ANO4: variants seen among roughly 807,000 people sequenced by gnomAD.
The protein encoded by ANO4 is anoctamin 4.
A neutral mutation model predicts 141.9 loss-of-function variants in ANO4; 69 were observed. That is an observed-to-expected ratio of 0.49 (90% CI 0.40 to 0.59). The LOEUF (loss-of-function observed/expected upper bound fraction) is 0.59. Among genes scored for constraint, ANO4 ranks in the 20% least tolerant of loss-of-function variants. The pLI is 0.00. For synonymous variants in ANO4, 350 were observed against 394.3 expected, an observed-to-expected ratio of 0.89 and a Z score of 1.33; for missense variants, 894 against 1,162.2, an observed-to-expected ratio of 0.77 and a Z score of 3.36.
chr12:100,907,666 G>C (rs184592994), intron 2 of ANO4, among the ~76,000 whole-genome samples: 1 of 152,160 alleles, frequency 6.6e-6, no homozygotes, highest in African/African-American at 2.4e-5. Context: ...GTTATATGGC[G>C]TAAATCTTAA....
chr12:101,078,517 C>G (rs1014124180), intron 14 of ANO4, among the ~76,000 whole-genome samples: 1 of 152,152 alleles, frequency 6.6e-6, no homozygotes, highest in Non-Finnish European at 1.5e-5. Flanking sequence ...GAAGATAACT[C>G]CCAGATTTCT....
intron 24 of ANO4, among the ~76,000 whole-genome samples, chr12:101,113,369 G>T (rs980211703): frequency 2.6e-5 from 4 of 152,156 alleles, no homozygotes; most frequent in African/African-American, 9.7e-5. Flanking sequence ...TTAACAACCT[G>T]GTAGATTTAA....
chr12:100,834,424 G>A lies in ANO4; in HGVS notation c.-141+39397G>A, dbSNP rs551864360. ...ATTGCAGTGACCAGACCACCAAAACGTTCCCTACCATTTTTACCCTTCAAA... is the reference window on the plus strand; with the variant it reads ...ATTGCAGTGACCAGACCACCAAAACATTCCCTACCATTTTTACCCTTCAAA... On this transcript the variant is annotated intron_variant, in intron 1 of 27. Coordinates refer to ENST00000392977, the MANE Select transcript of ANO4 (RefSeq NM_001286615.2). 7.9e-5 allele frequency among the ~76,000 whole-genome samples: 12 copies of A among 152,124 alleles called. No individual in the cohort carries two copies. In the South Asian group the frequency reaches 1.9e-3, roughly 24 times the overall value.
At chr12:101,007,994 A>G (rs965090889) in intron 8 of ANO4, among the ~76,000 whole-genome samples, 1 of 152,232 alleles carries the variant, frequency 6.6e-6, no homozygotes, top group African/African-American at 2.4e-5. Flanking sequence ...TCTACCTTCA[A>G]GCTGGAACAT....
chr12:100,909,762 G>A (rs764459064), intron 2 of ANO4, among the ~76,000 whole-genome samples: 5 of 152,130 alleles, frequency 3.3e-5, no homozygotes, highest in African/African-American at 1.2e-4. Flanking sequence ...AAGCTTTATC[G>A]TTAGGTGTTT....
chr12:100,974,873 T>C lies in ANO4; in HGVS notation c.586T>C (p.Tyr196His). 6.2e-7 allele frequency: 1 copy of C among 1,614,134 alleles called. No homozygotes were observed. ...AAAAATCTATTACCTGCCCCGCCGT[T>C]ACAAGTTCATGAGCAGGTTAGTAGC... is the stretch of plus-strand genomic sequence containing the variant. ...RRKIYYLPRRYKFMSRIDKQI... is the reference protein window; with the variant it reads ...RRKIYYLPRRHKFMSRIDKQI... The change falls in exon 7 of 28, where the codon TAC becomes CAC. Residue 196 changes from tyrosine to histidine, a missense_variant. Transcript: ENST00000392977.
At chr12:100,802,747 A>G (rs1262875134) in intron 1 of ANO4, among the ~76,000 whole-genome samples, 1 of 152,190 alleles carries the variant, frequency 6.6e-6, no homozygotes, top group Non-Finnish European at 1.5e-5. Flanking sequence ...ACACATTAGC[A>G]AATACGAAGC....
At chr12:101,049,936 G>A (rs1014937351) in intron 14 of ANO4, among the ~76,000 whole-genome samples, 35 of 152,152 alleles carry the variant, frequency 2.3e-4, no homozygotes, top group Non-Finnish European at 7.3e-5. Flanking sequence ...GGGCCACCCA[G>A]ATTCTTATTC....
At chr12:100,903,705 T>C (rs2040703707) in intron 2 of ANO4, among the ~76,000 whole-genome samples, 1 of 152,220 alleles carries the variant, frequency 6.6e-6, no homozygotes, top group African/African-American at 2.4e-5. Flanking sequence ...GCTGGAACTC[T>C]TGGGCACAGC....
At chr12:100,818,189 T>C (rs1282396508) in intron 1 of ANO4, among the ~76,000 whole-genome samples, 1 of 151,938 alleles carries the variant, frequency 6.6e-6, no homozygotes, top group East Asian at 1.9e-4. Context: ...ATAGTTATAA[T>C]AATAAGTATG....
At chr12:100,846,685 G>T (rs1383909685) in intron 1 of ANO4, among the ~76,000 whole-genome samples, 3 of 152,114 alleles carry the variant, frequency 2.0e-5, no homozygotes, top group Non-Finnish European at 2.9e-5. Flanking sequence ...TAATTCAGGG[G>T]AGTGTTCCAG....
At chr12:101,005,318 C>T (rs1431661592) in intron 8 of ANO4, among the ~76,000 whole-genome samples, 2 of 152,198 alleles carry the variant, frequency 1.3e-5, no homozygotes, top group Non-Finnish European at 2.9e-5. Flanking sequence ...ATGATTTCCT[C>T]TTTATTCTGG....
chr12:100,884,342 T>A (rs2039718610), intron 1 of ANO4, among the ~76,000 whole-genome samples: 1 of 152,120 alleles, frequency 6.6e-6, no homozygotes. Flanking sequence ...ATTAAGGAAA[T>A]TCAGACAGGG....
intron 9 of ANO4, among the ~76,000 whole-genome samples, chr12:101,035,949 A>G (rs575514751): frequency 2.0e-5 from 3 of 152,248 alleles, no homozygotes; most frequent in Admixed American, 6.5e-5. Flanking sequence ...ATCCCCCAAC[A>G]CACAATTTAC....
At chr12:100,785,198 A>C (rs2033833150) in intron 3 of ANO4, among the ~76,000 whole-genome samples, 1 of 152,084 alleles carries the variant, frequency 6.6e-6, no homozygotes, top group Non-Finnish European at 1.5e-5. Flanking sequence ...AACATCCCCC[A>C]CAAGGTTAGT....
At chr12:100,780,324 G>C (rs1018021651) in intron 3 of ANO4, among the ~76,000 whole-genome samples, 1 of 152,204 alleles carries the variant, frequency 6.6e-6, no homozygotes, top group African/African-American at 2.4e-5. Context: ...GTTTATTAGA[G>C]CAACGGGGTG....
intron 24 of ANO4, among the ~76,000 whole-genome samples, chr12:101,113,390 A>G (rs1483006): frequency 0.16 from 24,900 of 152,216 alleles, 2,082 homozygotes; most frequent in African/African-American, 0.2. Context: ...GACAATGTCC[A>G]CAGTGATTAA....
chr12:100,746,200 TC>T (rs1262492225), intron 3 of ANO4, among the ~76,000 whole-genome samples: 1 of 152,168 alleles, frequency 6.6e-6, no homozygotes, highest in Non-Finnish European at 1.5e-5. Context: ...ACGCCTGTAA[TC>T]CTAGCATTTT....
chr12:101,126,968 C>T lies in ANO4; in HGVS notation c.2766C>T (p.Tyr922=), dbSNP rs1176240694. Residue 922 remains tyrosine, a synonymous_variant, in exon 27 of 28, where the codon TAC becomes TAT. Transcript: ENST00000392977. ...DLRDRMRREK[Y]LIQEMMYEAE... is the part of the protein sequence containing the mutation. ...GGGATCGAATGAGAAGAGAGAAGTA[C>T]TTGATTCAGGAGATGATGTATGAAG... The T allele has an allele frequency of 1.2e-6, 2 of 1,614,032 alleles. No homozygotes were observed. The highest frequency in any genetic ancestry group is 3.3e-5 in the Admixed American group (2 of 59,988).
Sources: allele counts gnomAD v4.1 joint callset (sites outside exome capture counted in the v4.1 genomes callset), GRCh38; gene constraint gnomAD v4.1.1; transcripts MANE v1.5; gene names NCBI Gene and HGNC (gene_info 2026-07-23, HGNC 2026-07-21).